The following SYN3 variants were observed in gnomAD, a reference collection of about 807,000 sequenced individuals.
SYN3 encodes the protein synapsin-3.
Under a neutral mutation model 65.8 loss-of-function variants are expected in SYN3, and 35 were observed. That is an observed-to-expected ratio of 0.53 (90% CI 0.41 to 0.70). The LOEUF (loss-of-function observed/expected upper bound fraction) is 0.70, where lower values mean the gene tolerates loss of function less well. Among genes scored for constraint, SYN3 ranks in the 30% least tolerant of loss-of-function variants. SYN3 has a pLI of 0.00. For missense variants in SYN3, 680 were observed against 749.0 expected (o/e 0.91, Z 1.08); for synonymous variants, 270 against 292.9 (o/e 0.92, Z 0.80).
rs980928530 is a variant in SYN3, at chr22:32,685,871, A to G, written c.712-89135T>C. ...AAATGATGGTGGAATAATTGCTTAA[A>G]TTATTCAGCAAATTATATAGTCTTT... is the stretch of plus-strand genomic sequence containing the variant. On this transcript the variant is annotated intron_variant, in intron 6 of 13. Coordinates refer to ENST00000358763, the MANE Select transcript of SYN3 (RefSeq NM_003490.4). Among the ~76,000 whole-genome samples the G allele has an allele frequency of 1.1e-4, 17 of 152,352 alleles. No individual in the cohort carries two copies. In the Middle Eastern group the frequency reaches 0.014, roughly 122 times the overall value.
intron 1 of SYN3, among the ~76,000 whole-genome samples, chr22:33,028,354 G>A (rs2053673891): frequency 6.6e-6 from 1 of 152,228 alleles, no homozygotes; most frequent in Non-Finnish European, 1.5e-5. Flanking sequence ...GAAGCCATCT[G>A]TGGGGAATGC....
chr22:32,966,538 G>A (rs934718719), intron 3 of SYN3, among the ~76,000 whole-genome samples: 7 of 152,174 alleles, frequency 4.6e-5, no homozygotes, highest in Admixed American at 4.6e-4. Context: ...AGCCCTTTAT[G>A]CATGAGAGGA....
intron 7 of SYN3, among the ~76,000 whole-genome samples, chr22:32,594,617 AGCTGGAATTACAG>A (rs936442717): frequency 6.6e-6 from 1 of 151,980 alleles, no homozygotes; most frequent in Admixed American, 6.6e-5. Flanking sequence ...CTTTCCAAGT[AGCTGGAATTACAG>A]GCATGCGCAA....
chr22:32,953,588 G>A (rs2051356593), intron 3 of SYN3, among the ~76,000 whole-genome samples: 1 of 152,030 alleles, frequency 6.6e-6, no homozygotes, highest in South Asian at 2.1e-4. Flanking sequence ...TGAGGCTGGA[G>A]TATATATACA....
chr22:32,556,834 T>TTTTTTTTTTG (rs1569035464), intron 7 of SYN3, among the ~76,000 whole-genome samples: 1 of 129,314 alleles, frequency 7.7e-6, no homozygotes, highest in Non-Finnish European at 1.6e-5. Flanking sequence ...TTTTTTTTTT[T>TTTTTTTTTTG]TGTGTGTAGA....
chr22:33,036,690 T>C (rs1016824550), intron 1 of SYN3, among the ~76,000 whole-genome samples: 2 of 62,042 alleles, frequency 3.2e-5, no homozygotes, highest in Non-Finnish European at 9.8e-5. Flanking sequence ...TTTTTTTTTT[T>C]TTTTTTTTTT....
In SYN3 at chr22:32,583,619, T is replaced by C. The variant is rs1225575604; in HGVS notation, c.774+13055A>G. Among the ~76,000 whole-genome samples the C allele has an allele frequency of 4.6e-5, 7 of 152,236 alleles. No homozygotes were observed. In the East Asian group the frequency reaches 1.3e-3, roughly 29 times the overall value. On this transcript the variant is annotated intron_variant, in intron 7 of 13. Transcript: ENST00000358763. ...ATCATTTCTCCTCTTTGATCTCTGC[T>C]TATCTCATCTGTAAAATGAGTATCA... is the stretch of plus-strand genomic sequence containing the variant.
intron 3 of SYN3, among the ~76,000 whole-genome samples, chr22:32,971,873 G>T (rs1014853756): frequency 1.3e-5 from 2 of 152,196 alleles, no homozygotes; most frequent in Non-Finnish European, 2.9e-5. Context: ...AGGACTGTGA[G>T]AATTTGGGCC....
chr22:32,653,947 G>A (rs2710350), intron 6 of SYN3, among the ~76,000 whole-genome samples: 1,888 of 152,258 alleles, frequency 0.012, 38 homozygotes, highest in African/African-American at 0.044. Context: ...GGTGTGTTCT[G>A]TGAACACGTG....
intron 6 of SYN3, among the ~76,000 whole-genome samples, chr22:32,660,428 G>A (rs1490078820): frequency 2.6e-5 from 4 of 152,130 alleles, no homozygotes; most frequent in Admixed American, 6.5e-5. Flanking sequence ...ACCAGATGGC[G>A]GCATTCTAGC....
At chr22:32,787,791 G>A (rs899761486) in intron 6 of SYN3, among the ~76,000 whole-genome samples, 1 of 152,188 alleles carries the variant, frequency 6.6e-6, no homozygotes, top group African/African-American at 2.4e-5. Context: ...GGATGGCTGT[G>A]CTCCTCCGCT....
intron 9 of SYN3, among the ~76,000 whole-genome samples, chr22:32,535,043 T>C (rs2058140583): frequency 6.6e-6 from 1 of 152,196 alleles, no homozygotes; most frequent in South Asian, 2.1e-4. Context: ...GGGGGCTGAC[T>C]CCTCATTCCC....
rs572975579 is a variant in SYN3 at position 32,969,630 on chromosome 22, C to CTTTT, written c.369+11014_369+11015insAAAA. Among the ~76,000 whole-genome samples, 31 of 152,322 alleles carry CTTTT rather than the reference C, an allele frequency of 2.0e-4. 1 individual carries two copies. Among genetic ancestry groups the CTTTT allele is most frequent in the African/African-American group, 7.5e-4 (31 of 41,576 alleles). ...GAGATGAAAGCTAGTGCTCTCCACA[C>CTTTT]TTTGGACTCCAACAATAATTTCACG... On this transcript the variant is annotated intron_variant, in intron 3 of 13. Transcript: ENST00000358763.
At chr22:33,039,328 A>G (rs1324202080) in intron 1 of SYN3, among the ~76,000 whole-genome samples, 1 of 150,956 alleles carries the variant, frequency 6.6e-6, no homozygotes, top group East Asian at 1.9e-4. Context: ...GTATATTTTT[A>G]TATTTATAAC....
intron 6 of SYN3, among the ~76,000 whole-genome samples, chr22:32,703,862 T>C (rs889593428): frequency 3.9e-5 from 6 of 152,160 alleles, no homozygotes; most frequent in Middle Eastern, 3.2e-3. Flanking sequence ...TTATTTCAAA[T>C]GCATTTTTGA....
intron 7 of SYN3, among the ~76,000 whole-genome samples, chr22:32,563,975 G>A (rs2058622991): frequency 6.6e-6 from 1 of 152,112 alleles, no homozygotes; most frequent in Admixed American, 6.6e-5. Context: ...GGCCCCTGTT[G>A]GGTTTCAAGC....
intron 6 of SYN3, among the ~76,000 whole-genome samples, chr22:32,794,376 T>C (rs532182131): frequency 1.1e-4 from 17 of 151,992 alleles, no homozygotes; most frequent in Non-Finnish European, 2.4e-4. Flanking sequence ...CAGTGGGATT[T>C]TGGTTGGTTT....
chr22:32,782,160 C>A (rs2046082427), intron 6 of SYN3, among the ~76,000 whole-genome samples: 1 of 151,930 alleles, frequency 6.6e-6, no homozygotes, highest in South Asian at 2.1e-4. Flanking sequence ...ACTCTGCCTC[C>A]TGGTTTCAAG....
intron 6 of SYN3, among the ~76,000 whole-genome samples, chr22:32,634,052 G>A (rs1256528121): frequency 6.6e-6 from 1 of 152,274 alleles, no homozygotes; most frequent in African/African-American, 2.4e-5. Flanking sequence ...AGTTGTAAGA[G>A]ATAAAAATGG....
Sources: allele counts gnomAD v4.1 joint callset (sites outside exome capture counted in the v4.1 genomes callset), GRCh38; gene constraint gnomAD v4.1.1; transcripts MANE v1.5; gene names NCBI Gene and HGNC (gene_info 2026-07-23, HGNC 2026-07-21).